The following SLC25A29 variants were observed in gnomAD, a reference collection of about 807,000 sequenced individuals.
SLC25A29 encodes mitochondrial basic amino acids transporter.
Under a neutral mutation model 10.0 loss-of-function variants are expected in SLC25A29, and 13 were observed. That is an observed-to-expected ratio of 1.30 (90% CI 0.85 to 2.07). The LOEUF is 2.07. Among genes scored for constraint, SLC25A29 ranks in the 30% most tolerant of loss-of-function variants. The probability of loss-of-function intolerance (pLI) is 0.00; values close to 1 mark genes in which losing one functional copy is unlikely to be tolerated. For synonymous variants in SLC25A29, 244 were observed against 221.1 expected, an observed-to-expected ratio of 1.10 and a Z score of -0.92; for missense variants, 475 against 447.6, an observed-to-expected ratio of 1.06 and a Z score of -0.55.
At chr14:100,305,800 G>C (rs1029052620) in intron 1 of SLC25A29, 14 of 189,220 alleles carry the variant, frequency 7.4e-5, no homozygotes, top group Admixed American at 6.2e-5. Flanking sequence ...GGTGGAGTCA[G>C]TCCCGAAATA....
chr14:100,283,106 T>C, the SLC25A29 span, among the ~76,000 whole-genome samples: 2 of 152,210 alleles, frequency 1.3e-5, no homozygotes, highest in Admixed American at 6.5e-5. Flanking sequence ...TATGAGCCCA[T>C]GTCAGCCCTG....
rs371629059 is a variant in SLC25A29 at position 100,292,466 on chromosome 14, G to A, written c.729C>T (p.Gly243=). 5 of 1,580,638 alleles carry A rather than the reference G, an allele frequency of 3.2e-6. No individual in the cohort carries two copies. Among genetic ancestry groups the A allele is most frequent in the Middle Eastern group, 3.3e-4 (2 of 6,020 alleles). Residue 243 remains glycine, a synonymous_variant, in exon 4 of 4, where the codon GGC becomes GGT. Coordinates refer to ENST00000359232, the MANE Select transcript of SLC25A29 (RefSeq NM_001039355.3). ...CCAGCCCCCGTGTGAAGACGCGCCAGCCCTCGGCGCGGTAGCTCTGGTGCA... is the reference window on the plus strand; with the variant it reads ...CCAGCCCCCGTGTGAAGACGCGCCAACCCTCGGCGCGGTAGCTCTGGTGCA... ...DCVHQSYRAE[G]WRVFTRGLAS...
intron 1 of SLC25A29, chr14:100,299,576 C>A: frequency 1.0e-6 from 1 of 985,840 alleles, no homozygotes; most frequent in Non-Finnish European, 1.2e-6. Flanking sequence ...TGCCAAAAAT[C>A]CAGCCCCTCT....
chr14:100,285,103 G>C, the SLC25A29 span, among the ~76,000 whole-genome samples: 4 of 151,948 alleles, frequency 2.6e-5, no homozygotes, highest in Non-Finnish European at 5.9e-5. Context: ...CGGGGTCTGA[G>C]CACGCCCCTC....
At position 100,292,476 on chromosome 14, in the gene SLC25A29, C is replaced by T. The variant is rs1595349829; in HGVS notation, c.719G>A (p.Arg240His). 3 of 1,583,348 alleles carry T rather than the reference C, an allele frequency of 1.9e-6. No individual in the cohort carries two copies. Among genetic ancestry groups the T allele is most frequent in the Admixed American group, 3.6e-5 (2 of 55,604 alleles). Residue 240 changes from arginine to histidine, a missense_variant, in exon 4 of 4, where the codon CGC becomes CAC. Coordinates refer to ENST00000359232, the MANE Select transcript of SLC25A29 (RefSeq NM_001039355.3). The part of the protein sequence containing the change: ...GILDCVHQSY[R>H]AEGWRVFTRG... ...TGTGAAGACGCGCCAGCCCTCGGCG[C>T]GGTAGCTCTGGTGCACGCAGTCCAG...
At chr14:100,289,985 C>T (rs1595344842), downstream of SLC25A29, among the ~76,000 whole-genome samples, 1 of 152,202 alleles carries the variant, frequency 6.6e-6, no homozygotes. Flanking sequence ...AGAAGCCCCC[C>T]GCCCCTTCAC....
Position 100,292,487 on chromosome 14 carries a change from G to C in SLC25A29, c.708C>G (p.His236Gln), listed in dbSNP as rs771223619. 1 of 1,586,578 alleles carries C rather than the reference G, an allele frequency of 6.3e-7. No individual in the cohort carries two copies. Among genetic ancestry groups the C allele is most frequent in the Non-Finnish European group, 8.6e-7 (1 of 1,168,250 alleles). The change falls in exon 4 of 4, where the codon CAC becomes CAG. Residue 236 changes from histidine to glutamine, a missense_variant. By Grantham distance (24) the His-to-Gln change is conservative. Coordinates refer to ENST00000359232, the MANE Select transcript of SLC25A29 (RefSeq NM_001039355.3). Reference protein sequence around the residue: ...PRYRGILDCVHQSYRAEGWRV... With the variant: ...PRYRGILDCVQQSYRAEGWRV... ...GCCAGCCCTCGGCGCGGTAGCTCTGGTGCACGCAGTCCAGGATGCCGCGGT... is the reference window on the plus strand; with the variant it reads ...GCCAGCCCTCGGCGCGGTAGCTCTGCTGCACGCAGTCCAGGATGCCGCGGT...
At chr14:100,287,506 G>A (rs188563635), downstream of SLC25A29, among the ~76,000 whole-genome samples, 1 of 152,142 alleles carries the variant, frequency 6.6e-6, no homozygotes, top group Non-Finnish European at 1.5e-5. Flanking sequence ...AGATCCCTGC[G>A]GAGTTCAGAC....
chr14:100,306,306 G>A lies in SLC25A29; in HGVS notation c.-74C>T. On this transcript the variant is annotated 5_prime_UTR_variant, in exon 1 of 4. Transcript: ENST00000359232. Reference sequence around the variant, plus strand: ...GCCCCTCGCCGGGCTGGGCGCCGTCGGGGTCCCCGAGCGCGCGGTGCCGGG... The same window carrying A: ...GCCCCTCGCCGGGCTGGGCGCCGTCAGGGTCCCCGAGCGCGCGGTGCCGGG... 5 of 1,298,758 alleles carry A rather than the reference G, an allele frequency of 3.8e-6. No individual in the cohort carries two copies. Among genetic ancestry groups the A allele is most frequent in the Non-Finnish European group, 4.9e-6 (5 of 1,024,622 alleles). 80.5% of individuals were successfully genotyped at this position (1,298,758 alleles called of 1,614,324 possible).
At chr14:100,299,139 G>A in intron 1 of SLC25A29, 1 of 1,381,540 alleles carries the variant, frequency 7.2e-7, no homozygotes, top group South Asian at 1.6e-5. Flanking sequence ...CCCATCTGCA[G>A]GCTGCTGCTC....
downstream of SLC25A29, among the ~76,000 whole-genome samples, chr14:100,290,811 C>A (rs1891648572): frequency 1.3e-5 from 2 of 152,254 alleles, no homozygotes; most frequent in South Asian, 4.1e-4. Flanking sequence ...ACACACCCTG[C>A]CCCTGCTGCC....
Position 100,292,592 on chromosome 14 carries a change from G to C in SLC25A29, c.603C>G (p.Ile201Met). ...KLLLAGGTSG[I>M]VSWLSTYPVD... The stretch of plus-strand genomic sequence containing the variant: ...CAGGATAGGTAGAGAGCCAGGACAC[G>C]ATGCCTGACGTACCGCCCGCCAACA... Residue 201 changes from isoleucine (I) to methionine (M), a missense_variant, in exon 4 of 4, where the codon ATC becomes ATG. Transcript: ENST00000359232. 6.2e-7 allele frequency: 1 copy of C among 1,603,608 alleles called. No individual in the cohort carries two copies. The highest frequency in any genetic ancestry group is 8.5e-7 in the Non-Finnish European group (1 of 1,176,006).
chr14:100,290,858 C>G (rs1307507095), downstream of SLC25A29, among the ~76,000 whole-genome samples: 3 of 152,268 alleles, frequency 2.0e-5, no homozygotes, highest in Admixed American at 2.0e-4. Context: ...GCCTCTCTCT[C>G]TCATTGCTGG....
chr14:100,302,495 G>A (rs536548701), intron 1 of SLC25A29, among the ~76,000 whole-genome samples: 27 of 151,356 alleles, frequency 1.8e-4, no homozygotes, highest in Non-Finnish European at 2.4e-4. Flanking sequence ...GTGTAGCTGG[G>A]ACTACAGGTG....
At chr14:100,302,823 G>A (rs1365294448) in intron 1 of SLC25A29, among the ~76,000 whole-genome samples, 1 of 151,670 alleles carries the variant, frequency 6.6e-6, no homozygotes, top group Non-Finnish European at 1.5e-5. Flanking sequence ...TTCTGTGGGA[G>A]GTCGCTGAGA....
At position 100,292,687 on chromosome 14, in the gene SLC25A29, G is replaced by C; in HGVS notation, c.508C>G (p.Leu170Val). 6.2e-7 allele frequency: 1 copy of C among 1,603,098 alleles called. No individual in the cohort carries two copies. Among genetic ancestry groups the C allele is most frequent in the South Asian group, 1.1e-5 (1 of 89,544 alleles). The change falls in exon 4 of 4, where the codon CTC (leucine) becomes GTC (valine). Residue 170 changes from leucine (L) to valine (V), a missense_variant. By Grantham distance (32) the Leu-to-Val change is conservative. Coordinates refer to ENST00000359232, the MANE Select transcript of SLC25A29 (RefSeq NM_001039355.3). Reference protein sequence around the residue: ...RETPSFGVYFLTYDALTRALG... With the variant: ...RETPSFGVYFVTYDALTRALG... ...GCCCGCGTGAGAGCGTCATAGGTGA[G>C]GAAGTAGACGCCGAAGCTGGGCGTC...
chr14:100,304,536 G>A (rs1026704864), intron 1 of SLC25A29, among the ~76,000 whole-genome samples: 3 of 152,202 alleles, frequency 2.0e-5, no homozygotes, highest in Non-Finnish European at 2.9e-5. Context: ...TGGCCATTAT[G>A]TGCCTGGGGG....
At chr14:100,298,649 A>G in intron 2 of SLC25A29, 193 bp downstream of exon 2, 1 of 712,358 alleles carries the variant, frequency 1.4e-6, no homozygotes, top group South Asian at 1.7e-5. Context: ...GGACTTGGCC[A>G]TGAACCCAGC....
At chr14:100,304,752 C>T (rs1362512411) in intron 1 of SLC25A29, among the ~76,000 whole-genome samples, 1 of 152,210 alleles carries the variant, frequency 6.6e-6, no homozygotes, top group Non-Finnish European at 1.5e-5. Context: ...ACAGATGTGC[C>T]GGGAGGCGCC....
Sources: allele counts gnomAD v4.1 joint callset (sites outside exome capture counted in the v4.1 genomes callset), GRCh38; gene constraint gnomAD v4.1.1; transcripts MANE v1.5; gene names NCBI Gene and HGNC (gene_info 2026-07-23, HGNC 2026-07-21).